Variants in EHMT1 observed in about 807,000 individuals in gnomAD.
EHMT1 encodes euchromatic histone lysine methyltransferase 1.
A neutral mutation model predicts 147.2 loss-of-function variants in EHMT1; 15 were observed. The observed-to-expected ratio is 0.10, with a 90% confidence interval of 0.07 to 0.16. The LOEUF is 0.16. Ranked by LOEUF, EHMT1 falls within the 10% of genes least tolerant of loss-of-function variation. The pLI is 1.00. For synonymous variants in EHMT1, 795 were observed against 709.6 expected, an observed-to-expected ratio of 1.12 and a Z score of -1.91; for missense variants, 1,587 against 1,772.4, an observed-to-expected ratio of 0.90 and a Z score of 1.88.
At chr9:137,685,186 G>C (rs184788557) in intron 1 of EHMT1, 1 of 151,988 alleles carries the variant, frequency 6.6e-6, no homozygotes, top group Non-Finnish European at 1.5e-5. Flanking sequence ...CATTGTAACC[G>C]TCATCAGTCT....
chr9:137,656,735 T>A (rs938293814), intron 1 of EHMT1, among the ~76,000 whole-genome samples: 3 of 151,912 alleles, frequency 2.0e-5, no homozygotes, highest in African/African-American at 4.8e-5. Context: ...TTTTTTTTTT[T>A]AATTTTAATT....
rs56080406 is a variant in EHMT1 at position 137,742,289 on chromosome 9, TTGTGTGTGTGTG to T, written c.824-1050_824-1039del. Among the ~76,000 whole-genome samples the T allele has an allele frequency of 3.8e-3, 517 of 135,170 alleles. 2 individuals are homozygous for T. Among genetic ancestry groups the T allele is most frequent in the Non-Finnish European group, 5.6e-3 (359 of 64,308 alleles). The allele number at this position is 135,170 out of a possible 152,430, so 88.7% of individuals were successfully genotyped here. On this transcript the variant is annotated intron_variant, in intron 4 of 26. Transcript: ENST00000460843. ...GCTTCTGCACTTTGTAGAACCAAAT[TTGTGTGTGTGTG>T]TGTGTGTGTGTGTGTGTGTGTGTGT...
chr9:137,760,737 G>C (rs1428114614), intron 9 of EHMT1, among the ~76,000 whole-genome samples: 1 of 152,176 alleles, frequency 6.6e-6, no homozygotes, highest in Non-Finnish European at 1.5e-5. Context: ...GAGGCTGGCA[G>C]GGCGGCTCAG....
intron 25 of EHMT1, among the ~76,000 whole-genome samples, chr9:137,821,733 G>A (rs1483950948): frequency 1.3e-5 from 2 of 152,130 alleles, no homozygotes; most frequent in Non-Finnish European, 2.9e-5. Flanking sequence ...GATTGGGATT[G>A]TATTAGACCT....
rs535402626 is a variant in EHMT1, at chr9:137,776,881, T to TC, written c.2018+39dup. The TC allele has an allele frequency of 2.8e-3, 4,464 of 1,602,194 alleles. 14 individuals carry two copies. The highest frequency in any genetic ancestry group is 3.6e-3 in the Non-Finnish European group (4,224 of 1,172,036). On this transcript the variant is annotated intron_variant, in intron 12 of 26. Transcript: ENST00000460843. This position sits in a 1 kb window ranked among gnomAD's most constrained non-coding sequence, Gnocchi z 4.4. ...AGGCTCTGGCTGGGCTCTCCAGTCG[T>TC]CCACCTGAAAAAGTTTCAGTTGTTA...
chr9:137,660,662 C>A (rs1938981769), intron 1 of EHMT1, among the ~76,000 whole-genome samples: 1 of 152,322 alleles, frequency 6.6e-6, no homozygotes, highest in East Asian at 1.9e-4. Context: ...CACATCTTCA[C>A]AATATATCTG....
intron 1 of EHMT1, among the ~76,000 whole-genome samples, chr9:137,669,680 G>A (rs1940303226): frequency 6.6e-6 from 1 of 151,434 alleles, no homozygotes; most frequent in African/African-American, 2.4e-5. Flanking sequence ...TTAGTACACA[G>A]ACTTGTGTCC....
chr9:137,694,704 A>G (rs1253390583), intron 1 of EHMT1, among the ~76,000 whole-genome samples: 1 of 152,190 alleles, frequency 6.6e-6, no homozygotes, highest in East Asian at 1.9e-4. Flanking sequence ...ACCATGGTGG[A>G]GACGCGCCTA....
intron 1 of EHMT1, among the ~76,000 whole-genome samples, chr9:137,655,024 G>T (rs917132554): frequency 6.6e-6 from 1 of 151,468 alleles, no homozygotes; most frequent in Admixed American, 6.6e-5. Context: ...TCGAGATGGA[G>T]TCTTGCTCTT....
At chr9:137,710,010 T>TG (rs1564617203) in intron 1 of EHMT1, among the ~76,000 whole-genome samples, 2 of 152,058 alleles carry the variant, frequency 1.3e-5, no homozygotes, top group Non-Finnish European at 2.9e-5. Flanking sequence ...CAGCTGTGGG[T>TG]GGGGCATTTG....
At chr9:137,802,523 C>A (rs1194661349) in intron 18 of EHMT1, 1 of 398,534 alleles carries the variant, frequency 2.5e-6, no homozygotes, top group Non-Finnish European at 4.4e-6. Context: ...ACTATTAAAT[C>A]TCCAATGTGC....
rs745677089 is a variant in EHMT1, at chr9:137,787,707, C to T, written c.2383-3141C>T. The T allele has an allele frequency of 3.1e-5, 22 of 705,800 alleles. 1 individual carries two copies. Among genetic ancestry groups the T allele is most frequent in the South Asian group, 2.0e-4 (12 of 59,854 alleles). The allele number at this position is 705,800 out of a possible 1,614,324, so 43.7% of individuals were successfully genotyped here. On this transcript the variant is annotated intron_variant, in intron 15 of 26. Coordinates refer to ENST00000460843, the MANE Select transcript of EHMT1 (RefSeq NM_024757.5). The surrounding 1 kb of genome is among the most constrained non-coding windows in gnomAD (Gnocchi z 4.2). Reference sequence around the variant, plus strand: ...AGAGCAGCCCGCCTGGGCCAGGGGCCGCCAGGTCCCCAGGGTGCCACCGAA... The same window carrying T: ...AGAGCAGCCCGCCTGGGCCAGGGGCTGCCAGGTCCCCAGGGTGCCACCGAA...
chr9:137,638,114 CTTTTT>C (rs541117096), intron 1 of EHMT1: 7 of 141,124 alleles, frequency 5.0e-5, no homozygotes, highest in African/African-American at 2.6e-5. Context: ...AGAGAAGCAA[CTTTTT>C]TTTTTTTTTA....
chr9:137,791,014 C>G (rs149398639), intron 16 of EHMT1, 44 bp downstream of exon 16: 1 of 1,613,936 alleles, frequency 6.2e-7, no homozygotes, highest in Non-Finnish European at 8.5e-7. Flanking sequence ...TGTGTGTAGA[C>G]GTTTCTCAGA....
chr9:137,805,180 G>T (rs1251621407), intron 18 of EHMT1, among the ~76,000 whole-genome samples: 1 of 151,626 alleles, frequency 6.6e-6, no homozygotes, highest in African/African-American at 2.4e-5. Flanking sequence ...TCGTCCACGT[G>T]TGAGTCGTCC....
intron 1 of EHMT1, among the ~76,000 whole-genome samples, chr9:137,709,569 C>T (rs952022182): frequency 6.6e-6 from 1 of 152,166 alleles, no homozygotes; most frequent in Non-Finnish European, 1.5e-5. Context: ...TAGGGGCTGG[C>T]CTGGCGTCTG....
chr9:137,632,180 A>T (rs1425022341), intron 1 of EHMT1, among the ~76,000 whole-genome samples: 2 of 152,174 alleles, frequency 1.3e-5, no homozygotes, highest in African/African-American at 4.8e-5. Flanking sequence ...AGCGTCACTT[A>T]GATGCAGTAG....
At chr9:137,783,432 TC>T (rs1951717168) in intron 15 of EHMT1, among the ~76,000 whole-genome samples, 2 of 152,254 alleles carry the variant, frequency 1.3e-5, no homozygotes, top group Admixed American at 1.3e-4. Flanking sequence ...CTTAGATAGT[TC>T]CTCTTTCAGT....
intron 1 of EHMT1, chr9:137,685,266 C>T (rs1214085232): frequency 6.6e-6 from 1 of 152,214 alleles, no homozygotes; most frequent in Admixed American, 6.5e-5. Flanking sequence ...CTCTTATCTT[C>T]CTCCTCCCAG....
Sources: gnomAD v4.1 joint callset for allele counts (sites outside exome capture counted in the v4.1 genomes callset) on GRCh38, gnomAD v4.1.1 for gene constraint, Gnocchi (gnomAD v3.1) non-coding constraint, MANE v1.5 for transcripts, NCBI Gene and HGNC (gene_info 2026-07-23, HGNC 2026-07-21) for gene names.